The following CCSER1 variants were observed in gnomAD, a reference collection of about 807,000 sequenced individuals.
CCSER1 encodes serine-rich coiled-coil domain-containing protein 1.
Under a neutral mutation model 82.0 loss-of-function variants are expected in CCSER1, and 41 were observed. The ratio of observed to expected loss-of-function variants is 0.50; its 90% CI spans 0.39 to 0.65. The LOEUF (loss-of-function observed/expected upper bound fraction) is 0.65, where lower values mean the gene tolerates loss of function less well. Among genes scored for constraint, CCSER1 ranks in the 30% least tolerant of loss-of-function variants. CCSER1 has a pLI of 0.00. For missense variants in CCSER1, 1,119 were observed against 1,064.2 expected (o/e 1.05, Z -0.72); for synonymous variants, 414 against 383.9 (o/e 1.08, Z -0.92).
At chr4:91,231,202 GTGAA>G (rs753278030) in intron 10 of CCSER1, among the ~76,000 whole-genome samples, 21 of 151,926 alleles carry the variant, frequency 1.4e-4, no homozygotes, top group Non-Finnish European at 2.2e-4. Flanking sequence ...GGGAAACAAA[GTGAA>G]TGGTCGTTGA....
At chr4:91,445,159 C>A (rs745552071) in intron 10 of CCSER1, among the ~76,000 whole-genome samples, 2 of 152,130 alleles carry the variant, frequency 1.3e-5, no homozygotes, top group Non-Finnish European at 2.9e-5. Context: ...ATAACAATCT[C>A]CCCTTTGCTT....
intron 9 of CCSER1, among the ~76,000 whole-genome samples, chr4:90,964,449 A>G (rs1249122778): frequency 6.6e-6 from 1 of 151,180 alleles, no homozygotes; most frequent in Non-Finnish European, 1.5e-5. Context: ...AGGATAGGCC[A>G]GGCGTGGTGG....
intron 6 of CCSER1, among the ~76,000 whole-genome samples, chr4:90,705,412 C>T (rs762710880): frequency 3.3e-5 from 5 of 152,190 alleles, no homozygotes; most frequent in African/African-American, 4.8e-5. Context: ...TTAGGCTATT[C>T]GGGGGTCAGG....
chr4:91,395,038 T>C (rs1474824993), intron 10 of CCSER1, among the ~76,000 whole-genome samples: 2 of 152,106 alleles, frequency 1.3e-5, no homozygotes, highest in Non-Finnish European at 2.9e-5. Context: ...ATATTCTTGA[T>C]CTTGTGATTA....
At chr4:90,330,387 T>C (rs1579221490) in intron 3 of CCSER1, among the ~76,000 whole-genome samples, 1 of 152,276 alleles carries the variant, frequency 6.6e-6, no homozygotes, top group African/African-American at 2.4e-5. Flanking sequence ...TTAATACAAA[T>C]AGTGATTTTA....
intron 8 of CCSER1, chr4:90,911,333 A>G (rs1726320190): frequency 2.2e-6 from 1 of 456,142 alleles, no homozygotes; most frequent in Admixed American, 2.4e-5. Flanking sequence ...TGATGTCTTC[A>G]GTGATATGCA....
chr4:90,313,396 C>T (rs1301170414), intron 3 of CCSER1, among the ~76,000 whole-genome samples: 1 of 152,166 alleles, frequency 6.6e-6, no homozygotes, highest in Non-Finnish European at 1.5e-5. Context: ...ATATAGCCCT[C>T]CAGAAAATAC....
intron 5 of CCSER1, among the ~76,000 whole-genome samples, chr4:90,479,327 G>A (rs531612272): frequency 1.3e-5 from 2 of 151,808 alleles, no homozygotes; most frequent in South Asian, 4.2e-4. Context: ...TTTTTTTCAT[G>A]CTTCTGTTCT....
intron 1 of CCSER1, among the ~76,000 whole-genome samples, chr4:90,292,843 A>G (rs1731169584): frequency 6.6e-6 from 1 of 151,910 alleles, no homozygotes; most frequent in Non-Finnish European, 1.5e-5. Context: ...ATTGTCAGGT[A>G]TCTGTATTAC....
intron 7 of CCSER1, among the ~76,000 whole-genome samples, chr4:90,799,391 T>C (rs938131348): frequency 1.3e-5 from 2 of 152,124 alleles, no homozygotes; most frequent in Non-Finnish European, 2.9e-5. Flanking sequence ...AAAATCCATC[T>C]GGGCAGACAC....
At chr4:90,200,407 A>C (rs572380792) in intron 1 of CCSER1, among the ~76,000 whole-genome samples, 32 of 152,266 alleles carry the variant, frequency 2.1e-4, no homozygotes, top group African/African-American at 7.5e-4. Context: ...AAATATCTTG[A>C]TACCTGCAAG....
At chr4:90,284,493 G>A (rs78917851) in intron 1 of CCSER1, among the ~76,000 whole-genome samples, 1 of 127,680 alleles carries the variant, frequency 7.8e-6, no homozygotes, top group Non-Finnish European at 1.6e-5. Context: ...ACTTTGAATT[G>A]ATTTTTTTTT....
At chr4:90,132,068 A>C (rs991625625) in intron 1 of CCSER1, among the ~76,000 whole-genome samples, 3 of 152,206 alleles carry the variant, frequency 2.0e-5, no homozygotes, top group Non-Finnish European at 2.9e-5. Flanking sequence ...AGTTGAATTA[A>C]AATATTTTCA....
At chr4:91,084,537 A>C (rs1049921908) in intron 9 of CCSER1, among the ~76,000 whole-genome samples, 3 of 152,146 alleles carry the variant, frequency 2.0e-5, no homozygotes, top group Non-Finnish European at 4.4e-5. Context: ...AAAGCATCCC[A>C]TTATACTATC....
chr4:90,586,044 GTCCCCAA>G (rs1781972028), intron 5 of CCSER1, among the ~76,000 whole-genome samples: 1 of 152,128 alleles, frequency 6.6e-6, no homozygotes, highest in African/African-American at 2.4e-5. Flanking sequence ...TAGAACAGGG[GTCCCCAA>G]TCCCTGATAT....
chr4:90,532,606 A>G (rs1774675039), intron 5 of CCSER1, among the ~76,000 whole-genome samples: 1 of 152,174 alleles, frequency 6.6e-6, no homozygotes, highest in South Asian at 2.1e-4. Flanking sequence ...CTGTTGTAGC[A>G]TGAAAGGAGC....
At chr4:91,166,371 T>G (rs1038057123) in intron 10 of CCSER1, among the ~76,000 whole-genome samples, 1 of 152,074 alleles carries the variant, frequency 6.6e-6, no homozygotes, top group Admixed American at 6.6e-5. Context: ...TAAAAAAAAG[T>G]GATCCAAATA....
chr4:90,615,582 A>G (rs1721030875), intron 5 of CCSER1, among the ~76,000 whole-genome samples: 1 of 152,190 alleles, frequency 6.6e-6, no homozygotes, highest in African/African-American at 2.4e-5. Flanking sequence ...GGAAACACCA[A>G]GAGAACTAGA....
intron 10 of CCSER1, among the ~76,000 whole-genome samples, chr4:91,210,543 ATT>A (rs112784347): frequency 6.8e-6 from 1 of 147,548 alleles, no homozygotes. Flanking sequence ...GTACACTGTG[ATT>A]TTTTTTTTTA....
Sources: gnomAD v4.1 joint callset for allele counts (sites outside exome capture counted in the v4.1 genomes callset) on GRCh38, gnomAD v4.1.1 for gene constraint, MANE v1.5 for transcripts, NCBI Gene and HGNC (gene_info 2026-07-23, HGNC 2026-07-21) for gene names.